Variants in CASKIN2 observed in about 807,000 individuals in gnomAD.
The protein encoded by CASKIN2 is caskin-2.
CASKIN2 carries 41 observed loss-of-function variants against 107.1 expected under a neutral mutation model. The ratio of observed to expected loss-of-function variants is 0.38; its 90% CI spans 0.30 to 0.50. CASKIN2 has a LOEUF of 0.50. Among genes scored for constraint, CASKIN2 ranks in the 20% least tolerant of loss-of-function variants. The pLI, the probability that CASKIN2 is intolerant of heterozygous loss-of-function variation, is 0.92. For missense variants in CASKIN2, 1,546 were observed against 1,657.4 expected (o/e 0.93, Z 1.17); for synonymous variants, 724 against 705.6 (o/e 1.03, Z -0.41).
rs1366113139 is a variant in CASKIN2, at chr17:75,503,039, C to T, written c.2035G>A (p.Ala679Thr). Residue 679 changes from alanine to threonine, a missense_variant, in exon 18 of 20, where the codon GCC becomes ACC. Ala to Thr is a moderately conservative substitution (Grantham distance 58, BLOSUM62 0). Around this residue, in one of 6 missense-constraint regions of CASKIN2, gnomAD observed 1,311 missense variants for 1,311.0 expected, o/e 1.00. Transcript: ENST00000321617. ...GSELSPELQA[A>T]MAGGGPEPLP... Reference sequence around the variant, plus strand: ...GGTTCAGGGCCACCCCCTGCCATGGCCGCCTGTAGCTCTGGGCTTAGTTCG... The same window carrying T: ...GGTTCAGGGCCACCCCCTGCCATGGTCGCCTGTAGCTCTGGGCTTAGTTCG... 2.1e-5 allele frequency: 34 copies of T among 1,606,090 alleles called. No homozygotes were observed. Among genetic ancestry groups the T allele is most frequent in the Non-Finnish European group, 2.6e-5 (31 of 1,178,574 alleles).
intron 2 of CASKIN2, among the ~76,000 whole-genome samples, chr17:75,510,814 A>G (rs551918055): frequency 6.6e-6 from 1 of 151,426 alleles, no homozygotes; most frequent in Admixed American, 6.6e-5. Context: ...CCAGTCTCAA[A>G]CTCCTAGGCT....
At position 75,500,925 on chromosome 17, in the gene CASKIN2, G is replaced by T; in HGVS notation, c.*155C>A. 1 of 675,248 alleles carries T rather than the reference G, an allele frequency of 1.5e-6. No individual in the cohort carries two copies. The highest frequency in any genetic ancestry group is 2.5e-6 in the Non-Finnish European group (1 of 393,906). 41.8% of individuals were successfully genotyped at this position (675,248 alleles called of 1,614,324 possible). A position where few individuals can be genotyped will look rare whatever the true frequency, so the allele number is the denominator to read the frequency against. On this transcript the variant is annotated 3_prime_UTR_variant, in exon 20 of 20. Transcript: ENST00000321617. The stretch of plus-strand genomic sequence containing the variant: ...TGGGCTGCCCCACAAGAGCTGTGGT[G>T]CCCACAGCCGCGGGCTGAGTGGGAA...
intron 2 of CASKIN2, among the ~76,000 whole-genome samples, chr17:75,509,087 C>A (rs4074042): frequency 0.11 from 16,990 of 152,272 alleles, 2,058 homozygotes; most frequent in African/African-American, 0.3. Context: ...CCTCCAGGGT[C>A]TTGGCTGAGA....
chr17:75,502,313 C>T lies in CASKIN2; in HGVS notation c.2761G>A (p.Ala921Thr). 6.7e-7 allele frequency: 1 copy of T among 1,489,646 alleles called. No individual in the cohort carries two copies. The highest frequency in any genetic ancestry group is 1.4e-5 in the African/African-American group (1 of 71,906). 92.3% of individuals were successfully genotyped at this position (1,489,646 alleles called of 1,614,324 possible). The change falls in exon 18 of 20, where the codon GCC becomes ACC. Residue 921 changes from alanine to threonine, a missense_variant. Around this residue, in one of 6 missense-constraint regions of CASKIN2, gnomAD observed 1,311 missense variants for 1,311.0 expected, o/e 1.00. Transcript: ENST00000321617. The surrounding 1 kb of genome is among the most constrained non-coding windows in gnomAD (Gnocchi z 4.3). ...AGPSEPPGPP[A>T]PAGPASDTEE... ...GTGTCTGACGCGGGCCCAGCCGGGG[C>T]AGGTGGGCCAGGGGGCTCTGAGGGG...
Position 75,502,233 on chromosome 17 carries a change from C to T in CASKIN2, c.2841G>A (p.Gly947=), listed in dbSNP as rs763702488. 8 of 1,574,100 alleles carry T rather than the reference C, an allele frequency of 5.1e-6. No homozygotes were observed. Among genetic ancestry groups the T allele is most frequent in the Middle Eastern group, 1.7e-4 (1 of 5,908 alleles). ...CTTCCTCTGCAAACGGCAGCCCTTCCCCAGAGCTGCCCCGAGATGGGGGCG... is the reference window on the plus strand; with the variant it reads ...CTTCCTCTGCAAACGGCAGCCCTTCTCCAGAGCTGCCCCGAGATGGGGGCG... ...EGTPPSRGSS[G]EGLPFAEEGN... The change falls in exon 18 of 20, where the codon GGG becomes GGA. Residue 947 remains glycine (G), a synonymous_variant. Coordinates refer to ENST00000321617, the MANE Select transcript of CASKIN2 (RefSeq NM_020753.5). The surrounding 1 kb of genome is among the most constrained non-coding windows in gnomAD (Gnocchi z 4.3).
intron 13 of CASKIN2, 41 bp from the exon 14 acceptor site, chr17:75,504,347 G>A (rs1409171384): frequency 6.3e-7 from 1 of 1,597,532 alleles, no homozygotes; most frequent in Non-Finnish European, 8.5e-7. Context: ...GGTGGCAGGA[G>A]GAAGGGGTGC....
rs2053260688 is a variant in CASKIN2, at chr17:75,505,944, T to C, written c.727-15A>G. 6.8e-6 allele frequency: 11 copies of C among 1,607,604 alleles called. No individual in the cohort carries two copies. The highest frequency in any genetic ancestry group is 9.4e-6 in the Non-Finnish European group (11 of 1,174,964). On this transcript the variant is annotated splice_polypyrimidine_tract_variant and intron_variant, in intron 8 of 19. Transcript: ENST00000321617. This position sits in a 1 kb window ranked among gnomAD's most constrained non-coding sequence, Gnocchi z 5.1. ...TCCACACCTCCCTGGGTGCACAGTG[T>C]CACATGAGCACACGCTAAGCACTTT...
At position 75,500,791 on chromosome 17, in the gene CASKIN2, C is replaced by T. The variant is rs535741260; in HGVS notation, c.*289G>A. ...CTACTTCCTCCCTGAGGAGAGAGCT[C>T]TTACCAGGGTCCCTGTCCAGGAGCA... On this transcript the variant is annotated 3_prime_UTR_variant, in exon 20 of 20. Transcript: ENST00000321617. The T allele has an allele frequency of 2.5e-6, 1 of 393,206 alleles. No individual in the cohort carries two copies. The highest frequency in any genetic ancestry group is 4.2e-5 in the Admixed American group (1 of 23,838). 24.4% of individuals were successfully genotyped at this position (393,206 alleles called of 1,614,324 possible). A position where few individuals can be genotyped will look rare whatever the true frequency, so the allele number is the denominator to read the frequency against.
rs1432026157 is a variant in CASKIN2, at chr17:75,504,855, G to A, written c.1149C>T (p.Thr383=). 1.9e-6 allele frequency: 3 copies of A among 1,611,882 alleles called. No individual in the cohort carries two copies. Residue 383 remains threonine (T), a synonymous_variant, in exon 11 of 20, where the codon ACC becomes ACT. Transcript: ENST00000321617. The stretch of plus-strand genomic sequence containing the variant: ...GGCCCACCCGAGGAAGCTGGCTGTA[G>A]GTAAGAGGGTGCGGGGGTTCTTCGG... The part of the protein sequence containing the change: ...PPAEEPPHPL[T]YSQLPRVGLS...
At chr17:75,512,793 G>A (rs891944822) in intron 2 of CASKIN2, among the ~76,000 whole-genome samples, 1 of 151,838 alleles carries the variant, frequency 6.6e-6, no homozygotes, top group Non-Finnish European at 1.5e-5. Context: ...CCAGCTACTC[G>A]GGAGGCTGAG....
At chr17:75,515,283 G>A (rs1598472062) in intron 1 of CASKIN2, 118 bp downstream of exon 1, 1 of 152,472 alleles carries the variant, frequency 6.6e-6, no homozygotes, top group African/African-American at 2.4e-5. Flanking sequence ...ATGGAAAAAG[G>A]GGCGCGAGGA....
In CASKIN2 at chr17:75,502,046, C is replaced by T. The variant is rs78142683; in HGVS notation, c.3028G>A (p.Gly1010Arg). ...GGGCCAGGCGTGGCACTGGCCACTC[C>T]GAAGGCCAGCAGTGCGGTCTGCAGT... ...EPLQTALLAF[G>R]VASATPGPAA... Residue 1010 changes from glycine (G) to arginine (R), a missense_variant, in exon 18 of 20, where the codon GGA becomes AGA. Gly to Arg is a moderately radical substitution (Grantham distance 125, BLOSUM62 -2). Coordinates refer to ENST00000321617, the MANE Select transcript of CASKIN2 (RefSeq NM_020753.5). This position sits in a 1 kb window ranked among gnomAD's most constrained non-coding sequence, Gnocchi z 4.3. 164 of 1,612,476 alleles carry T rather than the reference C, an allele frequency of 1.0e-4. No individual in the cohort carries two copies. The East Asian group carries it at 2.1e-3, about 20-fold the overall frequency.
At position 75,504,624 on chromosome 17, in the gene CASKIN2, C is replaced by T. The variant is rs1251211533; in HGVS notation, c.1262G>A (p.Ser421Asn). ...GCCATGGCCATTAGTGCCCTCAGAG[C>T]TCTGCCCGCTGCCGGCACTGCGGAT... ...GSIRSAGSGQ[S>N]SEGTNGHGPG... Residue 421 changes from serine to asparagine, a missense_variant, in exon 12 of 20, where the codon AGC becomes AAC. Coordinates refer to ENST00000321617, the MANE Select transcript of CASKIN2 (RefSeq NM_020753.5). The T allele has an allele frequency of 6.2e-7, 1 of 1,609,226 alleles. No homozygotes were observed. Among genetic ancestry groups the T allele is most frequent in the Non-Finnish European group, 8.5e-7 (1 of 1,177,276 alleles).
At chr17:75,510,864 C>A (rs1451038907) in intron 2 of CASKIN2, among the ~76,000 whole-genome samples, 1 of 151,876 alleles carries the variant, frequency 6.6e-6, no homozygotes, top group Non-Finnish European at 1.5e-5. Flanking sequence ...TGCACAGGGC[C>A]AACAGGACTA....
Position 75,502,585 on chromosome 17 carries a change from G to A in CASKIN2, c.2489C>T (p.Thr830Ile). Reference sequence around the variant, plus strand: ...AAGGGCACTGCGTCCTGGCCGCCGGGTAAGGGTAGCATAACTGCCTAGGGT... The same window carrying A: ...AAGGGCACTGCGTCCTGGCCGCCGGATAAGGGTAGCATAACTGCCTAGGGT... ...GSTLGSYATL[T>I]RRPGRSALVR... is the part of the protein sequence containing the mutation. The change falls in exon 18 of 20, where the codon ACC becomes ATC. Residue 830 changes from threonine to isoleucine, a missense_variant. Physicochemically the swap from Thr to Ile is moderately conservative, Grantham distance 89. Coordinates refer to ENST00000321617, the MANE Select transcript of CASKIN2 (RefSeq NM_020753.5). This position sits in a 1 kb window ranked among gnomAD's most constrained non-coding sequence, Gnocchi z 4.3. The A allele has an allele frequency of 6.3e-7, 1 of 1,595,914 alleles. No individual in the cohort carries two copies. Among genetic ancestry groups the A allele is most frequent in the Non-Finnish European group, 8.5e-7 (1 of 1,170,256 alleles).
Position 75,502,423 on chromosome 17 carries a change from G to C in CASKIN2, c.2651C>G (p.Pro884Arg). Residue 884 changes from proline to arginine, a missense_variant, in exon 18 of 20, where the codon CCG (proline) becomes CGG (arginine). By Grantham distance (103) the Pro-to-Arg change is moderately radical. Coordinates refer to ENST00000321617, the MANE Select transcript of CASKIN2 (RefSeq NM_020753.5). The surrounding 1 kb of genome is among the most constrained non-coding windows in gnomAD (Gnocchi z 4.3). ...GCTCTCATCTAGTGGAGGTGGCTCC[G>C]GGCTGGGGCCAGAGACGGAGCTGAG... ...KRLSSVSGPS[P>R]EPPPLDESPG... 1 of 1,458,470 alleles carries C rather than the reference G, an allele frequency of 6.9e-7. No individual in the cohort carries two copies. Among genetic ancestry groups the C allele is most frequent in the Non-Finnish European group, 9.1e-7 (1 of 1,103,378 alleles). The allele number at this position is 1,458,470 out of a possible 1,614,324, so 90.3% of individuals were successfully genotyped here. A position where few individuals can be genotyped will look rare whatever the true frequency, so the allele number is the denominator to read the frequency against.
At position 75,502,100 on chromosome 17, in the gene CASKIN2, G is replaced by A. The variant is rs777511333; in HGVS notation, c.2974C>T (p.Arg992Trp). The change falls in exon 18 of 20, where the codon CGG (arginine) becomes TGG (tryptophan). Residue 992 changes from arginine (R) to tryptophan (W), a missense_variant. Around this residue, in one of 6 missense-constraint regions of CASKIN2, gnomAD observed 1,311 missense variants for 1,311.0 expected, o/e 1.00. Coordinates refer to ENST00000321617, the MANE Select transcript of CASKIN2 (RefSeq NM_020753.5). The surrounding 1 kb of genome is among the most constrained non-coding windows in gnomAD (Gnocchi z 4.3). ...FNLTESDTVK[R>W]RPKCREREPL... ...TCTCTCTCCCGGCACTTGGGCCTCC[G>A]CTTAACAGTGTCTGATTCCGTGAGG... 9 of 1,608,714 alleles carry A rather than the reference G, an allele frequency of 5.6e-6. No individual in the cohort carries two copies. Among genetic ancestry groups the A allele is most frequent in the African/African-American group, 4.0e-5 (3 of 74,874 alleles).
In CASKIN2 at chr17:75,505,458, T is replaced by C. The variant is rs951627366; in HGVS notation, c.930+99A>G. On this transcript the variant is annotated intron_variant, in intron 10 of 19. Coordinates refer to ENST00000321617, the MANE Select transcript of CASKIN2 (RefSeq NM_020753.5). The surrounding 1 kb of genome is among the most constrained non-coding windows in gnomAD (Gnocchi z 5.1). Reference sequence around the variant, plus strand: ...AAGAAGAATTAAATGAGGGTGCATATAGAGACCTCAGAGCAGAACGTGGTA... The same window carrying C: ...AAGAAGAATTAAATGAGGGTGCATACAGAGACCTCAGAGCAGAACGTGGTA... 2 of 1,106,564 alleles carry C rather than the reference T, an allele frequency of 1.8e-6. No individual in the cohort carries two copies. The highest frequency in any genetic ancestry group is 1.4e-6 in the Non-Finnish European group (1 of 724,616). 68.5% of individuals were successfully genotyped at this position (1,106,564 alleles called of 1,614,324 possible). A position where few individuals can be genotyped will look rare whatever the true frequency, so the allele number is the denominator to read the frequency against.
intron 2 of CASKIN2, among the ~76,000 whole-genome samples, chr17:75,510,378 G>A (rs544435276): frequency 2.0e-5 from 3 of 152,148 alleles, no homozygotes; most frequent in South Asian, 4.1e-4. Context: ...GCTATAAAGC[G>A]CCAGCTAAAC....
Sources: gnomAD v4.1 joint callset for allele counts (sites outside exome capture counted in the v4.1 genomes callset) on GRCh38, gnomAD v4.1.1 for gene constraint, gnomAD v4.1.1 regional missense constraint, Gnocchi (gnomAD v3.1) non-coding constraint, MANE v1.5 for transcripts, NCBI Gene and HGNC (gene_info 2026-07-23, HGNC 2026-07-21) for gene names.